The following LEO1 variants were observed in gnomAD, a reference collection of about 807,000 sequenced individuals.
LEO1 encodes the protein LEO1 component of Paf1/RNA polymerase II complex.
In LEO1, 34 loss-of-function variants were observed where a neutral mutation model predicts 80.4. The ratio of observed to expected loss-of-function variants is 0.42; its 90% CI spans 0.32 to 0.56. The LOEUF is 0.56. Ranked by LOEUF, LEO1 falls within the 20% of genes least tolerant of loss-of-function variation. LEO1 has a pLI of 0.10. For synonymous variants in LEO1, 262 were observed against 274.9 expected (o/e 0.95, Z 0.46); for missense variants, 631 against 814.2 (o/e 0.77, Z 2.74).
chr15:51,965,873 A>T lies in LEO1; in HGVS notation c.690T>A (p.Asp230Glu), dbSNP rs111647640. The change falls in exon 2 of 12, where the codon GAT becomes GAA. Residue 230 changes from aspartate to glutamate, a missense_variant. By Grantham distance (45) the Asp-to-Glu change is conservative (BLOSUM62 2). Transcript: ENST00000299601. The part of the protein sequence containing the change: ...SDNDDEKQNS[D>E]DEEQPQLSDE... ...CAGACAGCTGTGGTTGTTCTTCATC[A>T]TCAGAATTCTGTTTCTCATCATCAT... is the stretch of plus-strand genomic sequence containing the variant. 1.6e-5 allele frequency: 26 copies of T among 1,614,130 alleles called. 1 individual carries two copies. In the African/African-American group the frequency reaches 1.7e-4, roughly 11 times the overall value.
In LEO1 at chr15:51,965,822, A is replaced by G; in HGVS notation, c.741T>C (p.Asp247=). 1.2e-6 allele frequency: 2 copies of G among 1,614,044 alleles called. No homozygotes were observed. Among genetic ancestry groups the G allele is most frequent in the Non-Finnish European group, 1.7e-6 (2 of 1,180,028 alleles). ...CATCTGAGGCCTGTGGCCTTTCATC[A>G]TCAGAATTTTGCATTTTCTCTTCAT... ...LSDEEKMQNS[D]DERPQASDEE... Residue 247 remains aspartate, a synonymous_variant, in exon 2 of 12, where the codon GAT becomes GAC. Coordinates refer to ENST00000299601, the MANE Select transcript of LEO1 (RefSeq NM_138792.4).
intron 11 of LEO1, among the ~76,000 whole-genome samples, chr15:51,945,761 G>A (rs558302573): frequency 5.9e-5 from 9 of 152,142 alleles, no homozygotes; most frequent in African/African-American, 9.7e-5. Context: ...GAGGCCAGGC[G>A]CACTGGCTCA....
chr15:51,959,787 C>G, intron 5 of LEO1, 112 bp downstream of exon 5: 1 of 991,992 alleles, frequency 1.0e-6, no homozygotes, highest in Non-Finnish European at 1.4e-6. Flanking sequence ...TTCAGAGATA[C>G]ACGATCAATT....
chr15:51,952,055 A>C, intron 8 of LEO1, 76 bp from the exon 9 acceptor site: 1 of 1,341,958 alleles, frequency 7.5e-7, no homozygotes, highest in South Asian at 1.4e-5. Context: ...ACGTCACAGA[A>C]GTAAGAGCCC....
chr15:51,958,685 A>G, intron 6 of LEO1, 57 bp downstream of exon 6: 1 of 1,016,206 alleles, frequency 9.8e-7, no homozygotes, highest in Non-Finnish European at 1.5e-6. Context: ...GTTTCAAGTT[A>G]GTATCTCCAG....
intron 3 of LEO1, among the ~76,000 whole-genome samples, chr15:51,961,464 C>T (rs1274852957): frequency 2.0e-5 from 3 of 152,022 alleles, no homozygotes. Flanking sequence ...GCGACCTTGG[C>T]TTACTGCAAC....
At chr15:51,970,116 C>T (rs144869326) in intron 1 of LEO1, among the ~76,000 whole-genome samples, 1 of 152,212 alleles carries the variant, frequency 6.6e-6, no homozygotes, top group African/African-American at 2.4e-5. Flanking sequence ...ACATAATACC[C>T]TCCTCCCAAA....
chr15:51,971,423 TC>T (rs1366355097), intron 1 of LEO1, among the ~76,000 whole-genome samples: 1 of 152,148 alleles, frequency 6.6e-6, no homozygotes, highest in African/African-American at 2.4e-5. Context: ...CGCCTGCACT[TC>T]CACCCATGCC....
rs2057123095 is a variant in LEO1, at chr15:51,971,544, G to A, written c.58+144C>T. The A allele has an allele frequency of 3.8e-5, 29 of 762,440 alleles. No homozygotes were observed. In the East Asian group the frequency reaches 7.0e-4, roughly 18 times the overall value. 47.2% of individuals were successfully genotyped at this position (762,440 alleles called of 1,614,324 possible). ...CCATCCTGCCCGCCGGAGGAGGATG[G>A]CACCTCCGGGAGTGCAGGGGGCGCT... On this transcript the variant is annotated intron_variant, in intron 1 of 11. Coordinates refer to ENST00000299601, the MANE Select transcript of LEO1 (RefSeq NM_138792.4).
At chr15:51,963,533 G>A (rs927825263) in intron 2 of LEO1, among the ~76,000 whole-genome samples, 3 of 152,140 alleles carry the variant, frequency 2.0e-5, no homozygotes, top group Non-Finnish European at 4.4e-5. Flanking sequence ...CTATGACCCT[G>A]CCCTTGACTT....
At position 51,947,306 on chromosome 15, in the gene LEO1, G is replaced by A. The variant is rs377671116; in HGVS notation, c.1882C>T (p.Leu628Phe). The A allele has an allele frequency of 2.5e-6, 4 of 1,611,760 alleles. No individual in the cohort carries two copies. In the African/African-American group the frequency reaches 5.3e-5, roughly 22 times the overall value. ...KAQRLLKAKK[L>F]TSDEEGEPSG... ...TTTGGTCTTACCTCATCACTGGTAA[G>A]TTTCTTTGCTTTGAGTAATCTTTGA... Residue 628 changes from leucine (L) to phenylalanine (F), a missense_variant, in exon 11 of 12, where the codon CTT becomes TTT. Leu to Phe is a conservative substitution (Grantham distance 22). Coordinates refer to ENST00000299601, the MANE Select transcript of LEO1 (RefSeq NM_138792.4).
intron 6 of LEO1, among the ~76,000 whole-genome samples, chr15:51,956,837 T>C (rs28416491): frequency 6.6e-6 from 1 of 151,962 alleles, no homozygotes; most frequent in Non-Finnish European, 1.5e-5. Flanking sequence ...AATTTTTTTT[T>C]GGGGGGGAGA....
At chr15:51,950,048 A>G in intron 9 of LEO1, 54 bp from the exon 10 acceptor site, 3 of 1,407,014 alleles carry the variant, frequency 2.1e-6, no homozygotes, top group South Asian at 1.3e-5. Flanking sequence ...TTTTGTGCCC[A>G]CTTGAACCCA....
chr15:51,947,122 T>C (rs935649264), intron 11 of LEO1, 170 bp downstream of exon 11: 16 of 631,836 alleles, frequency 2.5e-5, no homozygotes, highest in Middle Eastern at 4.2e-4. Context: ...AGCACAGGTA[T>C]CAGATCCTCC....
At chr15:51,951,427 T>C (rs765995073) in intron 9 of LEO1, among the ~76,000 whole-genome samples, 2 of 152,194 alleles carry the variant, frequency 1.3e-5, no homozygotes, top group Non-Finnish European at 2.9e-5. Flanking sequence ...CATAAGCTCG[T>C]CTTATTCTTT....
chr15:51,958,793 A>G lies in LEO1; in HGVS notation c.1194T>C (p.Phe398=). 1 of 1,596,612 alleles carries G rather than the reference A, an allele frequency of 6.3e-7. No homozygotes were observed. The highest frequency in any genetic ancestry group is 8.6e-7 in the Non-Finnish European group (1 of 1,169,386). The change falls in exon 6 of 12, where the codon TTT becomes TTC. Residue 398 remains phenylalanine (F), a synonymous_variant. Transcript: ENST00000299601. ...PFDPQYYEDE[F]EDEEMLDEEG... is the part of the protein sequence containing the mutation. ...CTTCATCCAGCATTTCTTCATCTTC[A>G]AATTCATCTTCATAATACTGAGGAT...
At chr15:51,944,108 A>G (rs565845725) in intron 11 of LEO1, among the ~76,000 whole-genome samples, 15 of 152,304 alleles carry the variant, frequency 9.8e-5, no homozygotes, top group African/African-American at 3.4e-4. Flanking sequence ...CATCCAAGAA[A>G]CTCAACAAAT....
chr15:51,960,828 C>T (rs1433673437), intron 3 of LEO1, 95 bp from the exon 4 acceptor site: 14 of 736,730 alleles, frequency 1.9e-5, no homozygotes. Context: ...GTTTCTGGAC[C>T]AGCATCAGAA....
In LEO1 at chr15:51,953,118, A is replaced by C. The variant is rs780446371; in HGVS notation, c.1475+11T>G. On this transcript the variant is annotated intron_variant, in intron 8 of 11. Coordinates refer to ENST00000299601, the MANE Select transcript of LEO1 (RefSeq NM_138792.4). The stretch of plus-strand genomic sequence containing the variant: ...CCATAAGAAATAATACATAATAATA[A>C]TAACAGTTACCTGAAGGTGAGTTTC... The C allele has an allele frequency of 6.2e-7, 1 of 1,602,806 alleles. No individual in the cohort carries two copies.
Sources: gnomAD v4.1 joint callset for allele counts (sites outside exome capture counted in the v4.1 genomes callset) on GRCh38, gnomAD v4.1.1 for gene constraint, MANE v1.5 for transcripts, NCBI Gene and HGNC (gene_info 2026-07-23, HGNC 2026-07-21) for gene names.